The following CTNNA2 variants were observed in gnomAD, a reference collection of about 807,000 sequenced individuals.
CTNNA2 encodes the protein catenin alpha-2.
Under a neutral mutation model 101.0 loss-of-function variants are expected in CTNNA2, and 42 were observed. That is an observed-to-expected ratio of 0.42 (90% CI 0.32 to 0.54). The LOEUF (loss-of-function observed/expected upper bound fraction) is 0.54. CTNNA2 is among the 20% of genes least tolerant of loss of function. The pLI is 0.14. For missense variants in CTNNA2, 871 were observed against 1,223.1 expected, an observed-to-expected ratio of 0.71 and a Z score of 4.29; for synonymous variants, 450 against 456.4, an observed-to-expected ratio of 0.99 and a Z score of 0.18.
At chr2:79,361,886 T>C (rs112176758) in intron 3 of CTNNA2, among the ~76,000 whole-genome samples, 315 of 152,304 alleles carry the variant, frequency 2.1e-3, no homozygotes, top group Non-Finnish European at 3.6e-3. Context: ...GCTGATTACA[T>C]GGTGCCCACC....
chr2:79,345,079 A>AAT (rs1677230910), intron 3 of CTNNA2, among the ~76,000 whole-genome samples: 1 of 138,202 alleles, frequency 7.2e-6, no homozygotes, highest in Non-Finnish European at 1.5e-5. Flanking sequence ...TGTTGTTGTT[A>AAT]ATATTTTATT....
At chr2:79,962,350 C>G (rs1297930888) in intron 7 of CTNNA2, among the ~76,000 whole-genome samples, 1 of 152,214 alleles carries the variant, frequency 6.6e-6, no homozygotes, top group Non-Finnish European at 1.5e-5. Context: ...AGGAGGGCAT[C>G]TAATCGTATT....
intron 2 of CTNNA2, among the ~76,000 whole-genome samples, chr2:79,261,244 C>T (rs1165294767): frequency 6.6e-6 from 1 of 152,156 alleles, no homozygotes; most frequent in Non-Finnish European, 1.5e-5. Context: ...CTCACCAACA[C>T]TTATAATTAT....
chr2:79,330,996 G>T (rs1676858520), intron 3 of CTNNA2, among the ~76,000 whole-genome samples: 1 of 152,162 alleles, frequency 6.6e-6, no homozygotes, highest in Non-Finnish European at 1.5e-5. Flanking sequence ...AGTTAAAAAG[G>T]AATTTGAACC....
intron 7 of CTNNA2, among the ~76,000 whole-genome samples, chr2:79,914,097 G>A (rs1686008757): frequency 6.7e-6 from 1 of 149,744 alleles, no homozygotes; most frequent in Non-Finnish European, 1.5e-5. Context: ...AACCCGGGAG[G>A]CGGAGCTTGC....
At chr2:79,880,970 C>G (rs1200901757) in intron 6 of CTNNA2, among the ~76,000 whole-genome samples, 1 of 152,062 alleles carries the variant, frequency 6.6e-6, no homozygotes, top group African/African-American at 2.4e-5. Flanking sequence ...CTATAAATTT[C>G]CTCTTAACAC....
chr2:79,217,607 G>A (rs766710460), intron 2 of CTNNA2, among the ~76,000 whole-genome samples: 1 of 152,150 alleles, frequency 6.6e-6, no homozygotes, highest in Non-Finnish European at 1.5e-5. Context: ...CATTTCTTTT[G>A]TAGTGGAATG....
At chr2:80,277,978 C>T (rs1405122176) in intron 7 of CTNNA2, among the ~76,000 whole-genome samples, 1 of 152,076 alleles carries the variant, frequency 6.6e-6, no homozygotes, top group African/African-American at 2.4e-5. Flanking sequence ...GTTTTGAGTT[C>T]CCCATTCATT....
intron 7 of CTNNA2, among the ~76,000 whole-genome samples, chr2:80,193,084 A>G (rs938522581): frequency 6.6e-6 from 1 of 152,118 alleles, no homozygotes; most frequent in Admixed American, 6.5e-5. Flanking sequence ...TGTTTTGTTT[A>G]TATGCTTTCA....
intron 3 of CTNNA2, among the ~76,000 whole-genome samples, chr2:79,336,363 G>A (rs1406917472): frequency 6.6e-6 from 1 of 152,154 alleles, no homozygotes; most frequent in Non-Finnish European, 1.5e-5. Context: ...GACACACACA[G>A]TTAAGAGTCC....
chr2:80,561,388 C>G (rs1010538915), intron 12 of CTNNA2, among the ~76,000 whole-genome samples: 9 of 152,156 alleles, frequency 5.9e-5, no homozygotes, highest in Non-Finnish European at 1.2e-4. Flanking sequence ...CCTATATACT[C>G]TAAGTATTGT....
At chr2:79,983,062 C>G (rs75409451) in intron 7 of CTNNA2, among the ~76,000 whole-genome samples, 3,701 of 151,436 alleles carry the variant, frequency 0.024, 153 homozygotes, top group African/African-American at 0.083. Flanking sequence ...AATCCTGCCC[C>G]CAAATTACAC....
intron 1 of CTNNA2, among the ~76,000 whole-genome samples, chr2:79,616,883 A>G (rs923153465): frequency 6.6e-6 from 1 of 151,238 alleles, no homozygotes; most frequent in South Asian, 2.1e-4. Flanking sequence ...CTTTCTCCCC[A>G]ATAATATTTA....
At chr2:79,536,607 G>A (rs1235950629) in intron 1 of CTNNA2, among the ~76,000 whole-genome samples, 1 of 151,894 alleles carries the variant, frequency 6.6e-6, no homozygotes, top group African/African-American at 2.4e-5. Context: ...GTGTGTTTGT[G>A]TTGAGGGTGG....
chr2:80,592,508 G>A (rs1296218978), intron 15 of CTNNA2, among the ~76,000 whole-genome samples: 1 of 152,112 alleles, frequency 6.6e-6, no homozygotes, highest in Non-Finnish European at 1.5e-5. Flanking sequence ...AAAAGTACCT[G>A]GAATAGTTCA....
chr2:80,475,188 C>T (rs1345194169), intron 9 of CTNNA2, among the ~76,000 whole-genome samples: 1 of 152,118 alleles, frequency 6.6e-6, no homozygotes, highest in Non-Finnish European at 1.5e-5. Flanking sequence ...ATAATAAGTA[C>T]GTGTGCCAAT....
intron 9 of CTNNA2, among the ~76,000 whole-genome samples, chr2:80,425,606 A>G (rs1680919552): frequency 6.6e-6 from 1 of 152,170 alleles, no homozygotes; most frequent in Admixed American, 6.5e-5. Context: ...ATTCATAAAT[A>G]TGTGAAATAA....
intron 2 of CTNNA2, among the ~76,000 whole-genome samples, chr2:79,674,714 G>A (rs1289212515): frequency 6.6e-6 from 1 of 152,116 alleles, no homozygotes; most frequent in African/African-American, 2.4e-5. Context: ...ACAACTTAAA[G>A]GTAGTTAATG....
intron 7 of CTNNA2, among the ~76,000 whole-genome samples, chr2:80,384,237 CAAAAT>C (rs1258752289): frequency 2.6e-5 from 4 of 151,884 alleles, no homozygotes; most frequent in African/African-American, 9.7e-5. Flanking sequence ...TGTCTAGTGA[CAAAAT>C]AATTCTTCTG....
Sources: gnomAD v4.1 joint callset for allele counts (sites outside exome capture counted in the v4.1 genomes callset) on GRCh38, gnomAD v4.1.1 for gene constraint, MANE v1.5 for transcripts, NCBI Gene and HGNC (gene_info 2026-07-23, HGNC 2026-07-21) for gene names.